Variants in CA10 observed in about 807,000 individuals in gnomAD.
CA10 encodes carbonic anhydrase-related protein 10.
A neutral mutation model predicts 44.2 loss-of-function variants in CA10; 14 were observed. The ratio of observed to expected loss-of-function variants is 0.32; its 90% CI spans 0.21 to 0.50. The LOEUF (loss-of-function observed/expected upper bound fraction) is 0.50. Among genes scored for constraint, CA10 ranks in the 20% least tolerant of loss-of-function variants. The pLI, the probability that CA10 is intolerant of heterozygous loss-of-function variation, is 0.99. For synonymous variants in CA10, 159 were observed against 141.6 expected (o/e 1.12, Z -0.87); for missense variants, 350 against 409.7 (o/e 0.85, Z 1.26).
chr17:51,808,690 G>T (rs1418588438), intron 3 of CA10, among the ~76,000 whole-genome samples: 3 of 152,164 alleles, frequency 2.0e-5, no homozygotes, highest in Admixed American at 2.0e-4. Context: ...CTTGGAAAGT[G>T]CCTATAATAT....
intron 3 of CA10, among the ~76,000 whole-genome samples, chr17:51,884,379 C>T (rs1199219339): frequency 6.6e-6 from 1 of 152,166 alleles, no homozygotes; most frequent in East Asian, 1.9e-4. Flanking sequence ...TCTACTCCTC[C>T]ACTCTCCCTC....
chr17:51,929,996 G>A (rs898141809), intron 3 of CA10, among the ~76,000 whole-genome samples: 1 of 152,126 alleles, frequency 6.6e-6, no homozygotes, highest in East Asian at 1.9e-4. Flanking sequence ...TGAGTCATTA[G>A]GGGTGTGTGT....
chr17:51,774,513 C>T (rs1215706038), intron 3 of CA10, among the ~76,000 whole-genome samples: 1 of 151,732 alleles, frequency 6.6e-6, no homozygotes, highest in African/African-American at 2.4e-5. Flanking sequence ...GATCTCAGCT[C>T]ACTGCAACCT....
chr17:51,966,042 C>T (rs1399445236), intron 2 of CA10, among the ~76,000 whole-genome samples: 1 of 151,894 alleles, frequency 6.6e-6, no homozygotes, highest in Non-Finnish European at 1.5e-5. Flanking sequence ...AGTCAACATA[C>T]AAAAATCAGT....
intron 5 of CA10, among the ~76,000 whole-genome samples, chr17:51,650,115 T>C (rs960958063): frequency 1.3e-5 from 2 of 152,166 alleles, no homozygotes; most frequent in Admixed American, 6.5e-5. Context: ...TAGCTTCAAA[T>C]TCCTCTGTTG....
intron 3 of CA10, among the ~76,000 whole-genome samples, chr17:51,760,592 C>T (rs781060045): frequency 2.0e-5 from 3 of 152,050 alleles, no homozygotes; most frequent in Admixed American, 6.5e-5. Flanking sequence ...GGATGGGATG[C>T]GAGACTTACT....
At chr17:52,090,625 A>G (rs1433519223) in intron 1 of CA10, among the ~76,000 whole-genome samples, 1 of 152,192 alleles carries the variant, frequency 6.6e-6, no homozygotes, top group Admixed American at 6.5e-5. Context: ...AAAATTTTAA[A>G]ATAGGTAAAT....
At chr17:51,958,666 A>T (rs927548544) in intron 2 of CA10, among the ~76,000 whole-genome samples, 7 of 152,172 alleles carry the variant, frequency 4.6e-5, no homozygotes, top group African/African-American at 1.7e-4. Context: ...AATTTACAGG[A>T]AAAGAGAAAT....
At chr17:52,131,993 C>T (rs936160829) in intron 1 of CA10, among the ~76,000 whole-genome samples, 2 of 151,068 alleles carry the variant, frequency 1.3e-5, no homozygotes, top group Admixed American at 1.3e-4. Flanking sequence ...GGGAACATCA[C>T]ATTCTGGGGA....
Position 51,735,016 on chromosome 17 carries a change from T to C in CA10, c.465+12617A>G, listed in dbSNP as rs115665163. On this transcript the variant is annotated intron_variant, in intron 4 of 8. Coordinates refer to ENST00000451037, the MANE Select transcript of CA10 (RefSeq NM_020178.5). Reference sequence around the variant, plus strand: ...GCCTTACAGCAGGATGCCTTGACACTGATAAGAAAACAGCATTAGAAGGGC... The same window carrying C: ...GCCTTACAGCAGGATGCCTTGACACCGATAAGAAAACAGCATTAGAAGGGC... Among the ~76,000 whole-genome samples the C allele has an allele frequency of 4.8e-3, 737 of 152,274 alleles. 9 individuals are homozygous for C. The highest frequency in any genetic ancestry group is 0.017 in the African/African-American group (708 of 41,570).
chr17:52,057,233 C>G (rs1448627616), intron 2 of CA10, among the ~76,000 whole-genome samples: 2 of 152,004 alleles, frequency 1.3e-5, no homozygotes, highest in Admixed American at 1.3e-4. Context: ...ATAAGTTACA[C>G]TGAGGGTGCC....
intron 2 of CA10, among the ~76,000 whole-genome samples, chr17:52,062,917 G>A (rs540448247): frequency 6.6e-6 from 1 of 152,356 alleles, no homozygotes; most frequent in Admixed American, 6.5e-5. Flanking sequence ...CACTGGCAAT[G>A]AGCCACACTA....
At chr17:51,981,378 G>A (rs567238490) in intron 2 of CA10, among the ~76,000 whole-genome samples, 9 of 152,090 alleles carry the variant, frequency 5.9e-5, no homozygotes, top group South Asian at 2.1e-4. Context: ...TGCAACATGC[G>A]TGAATCTCAA....
intron 3 of CA10, among the ~76,000 whole-genome samples, chr17:51,785,241 G>A (rs1014442103): frequency 5.3e-5 from 8 of 152,300 alleles, no homozygotes; most frequent in Middle Eastern, 3.4e-3. Context: ...AAACATGAGA[G>A]TGTAGATGTC....
chr17:51,929,927 T>C (rs1227545988), intron 3 of CA10, among the ~76,000 whole-genome samples: 1 of 152,178 alleles, frequency 6.6e-6, no homozygotes, highest in Non-Finnish European at 1.5e-5. Flanking sequence ...GTCGACCACA[T>C]GCAATGTCTT....
intron 2 of CA10, among the ~76,000 whole-genome samples, chr17:51,964,704 A>C (rs11871480): frequency 0.077 from 11,683 of 151,838 alleles, 472 homozygotes; most frequent in Middle Eastern, 0.11. Flanking sequence ...CAAAAAAAAA[A>C]TCTTTGAAAT....
intron 2 of CA10, among the ~76,000 whole-genome samples, chr17:52,026,969 A>G (rs186498579): frequency 6.6e-6 from 1 of 152,218 alleles, no homozygotes; most frequent in Non-Finnish European, 1.5e-5. Flanking sequence ...AGTGCATCAC[A>G]TTTATTGTGT....
intron 2 of CA10, among the ~76,000 whole-genome samples, chr17:52,024,956 T>C (rs1397476412): frequency 6.6e-6 from 1 of 151,820 alleles, no homozygotes; most frequent in Non-Finnish European, 1.5e-5. Context: ...ATATAGTATA[T>C]GTATATATAC....
chr17:51,691,956 G>C (rs1445924587), intron 4 of CA10, among the ~76,000 whole-genome samples: 1 of 152,134 alleles, frequency 6.6e-6, no homozygotes. Flanking sequence ...CTTAAAACTT[G>C]ATCTAAAAGT....
Sources: allele counts gnomAD v4.1 joint callset (sites outside exome capture counted in the v4.1 genomes callset), GRCh38; gene constraint gnomAD v4.1.1; transcripts MANE v1.5; gene names NCBI Gene and HGNC (gene_info 2026-07-23, HGNC 2026-07-21).